TANGO6: variants seen among roughly 807,000 people sequenced by gnomAD.
TANGO6 encodes the protein transport and golgi organization 6 homolog, also known as transport and Golgi organization protein 6 homolog.
A neutral mutation model predicts 114.2 loss-of-function variants in TANGO6; 90 were observed. That is an observed-to-expected ratio of 0.79 (90% CI 0.66 to 0.94). TANGO6 has a LOEUF of 0.94. TANGO6 is among the 40% of genes least tolerant of loss of function. The probability of loss-of-function intolerance (pLI) is 0.00; values close to 1 mark genes in which losing one functional copy is unlikely to be tolerated. For synonymous variants in TANGO6, 477 were observed against 509.8 expected (o/e 0.94, Z 0.87); for missense variants, 1,274 against 1,315.3 (o/e 0.97, Z 0.49).
intron 16 of TANGO6, among the ~76,000 whole-genome samples, chr16:69,030,771 G>GAA (rs1959580871): frequency 2.6e-5 from 4 of 152,052 alleles, no homozygotes; most frequent in Non-Finnish European, 4.4e-5. Context: ...ACAGGTGAGG[G>GAA]CCGGGCGCGG....
At chr16:68,878,726 T>C (rs1331978660) in intron 6 of TANGO6, among the ~76,000 whole-genome samples, 1 of 152,198 alleles carries the variant, frequency 6.6e-6, no homozygotes, top group Non-Finnish European at 1.5e-5. Context: ...CAAACTTCTC[T>C]AATTGTTTCA....
At chr16:69,030,143 C>CA (rs1236155283) in intron 16 of TANGO6, among the ~76,000 whole-genome samples, 1 of 146,994 alleles carries the variant, frequency 6.8e-6, no homozygotes, top group East Asian at 2.0e-4. Flanking sequence ...ATAAGAAGAA[C>CA]AGAGTGATCA....
chr16:68,984,891 T>A (rs1963876160), intron 15 of TANGO6, among the ~76,000 whole-genome samples: 1 of 152,200 alleles, frequency 6.6e-6, no homozygotes, highest in African/African-American at 2.4e-5. Flanking sequence ...AACTACTCTT[T>A]GTTTACATTT....
intron 16 of TANGO6, chr16:69,025,934 G>GT (rs1246964831): frequency 4.6e-6 from 1 of 216,566 alleles, no homozygotes; most frequent in Non-Finnish European, 1.0e-5. Context: ...TCTATTTCTA[G>GT]TTAAAAAAAA....
chr16:69,004,443 C>T (rs1964073721), intron 15 of TANGO6, among the ~76,000 whole-genome samples: 1 of 151,966 alleles, frequency 6.6e-6, no homozygotes, highest in African/African-American at 2.4e-5. Context: ...GCAACCTCCG[C>T]CTCCTGGGTT....
chr16:68,845,258 A>G (rs1961785936), intron 1 of TANGO6, among the ~76,000 whole-genome samples: 3 of 152,200 alleles, frequency 2.0e-5, no homozygotes, highest in Admixed American at 2.0e-4. Context: ...CTGAGCCACT[A>G]CACCTGGCCT....
intron 14 of TANGO6, among the ~76,000 whole-genome samples, chr16:68,943,703 C>A (rs1963382658): frequency 6.6e-6 from 1 of 151,970 alleles, no homozygotes; most frequent in African/African-American, 2.4e-5. Context: ...AAAGTATTGT[C>A]TTGGTCTCAA....
At position 68,857,616 on chromosome 16, in the gene TANGO6, A is replaced by G. The variant is rs530616931; in HGVS notation, c.95-2268A>G. Among the ~76,000 whole-genome samples, 7 of 152,250 alleles carry G rather than the reference A, an allele frequency of 4.6e-5. No individual in the cohort carries two copies. In the South Asian group the frequency reaches 1.5e-3, roughly 32 times the overall value. On this transcript the variant is annotated intron_variant, in intron 1 of 17. Coordinates refer to ENST00000261778, the MANE Select transcript of TANGO6 (RefSeq NM_024562.2). ...CCAAACTGTCTTCCAAAGTGGCTAT[A>G]CTATTTTGCATTCCCACCAGCAATG...
At chr16:68,943,503 A>G (rs907038233) in intron 14 of TANGO6, among the ~76,000 whole-genome samples, 1 of 151,766 alleles carries the variant, frequency 6.6e-6, no homozygotes, top group African/African-American at 2.4e-5. Flanking sequence ...AGCTGGGACT[A>G]CAGGTGCCTG....
intron 16 of TANGO6, among the ~76,000 whole-genome samples, chr16:69,025,619 T>G (rs1959488237): frequency 6.6e-6 from 1 of 152,222 alleles, no homozygotes; most frequent in Non-Finnish European, 1.5e-5. Context: ...CAATCCAGTC[T>G]GAGAATTTAA....
At chr16:69,038,888 CA>C (rs1367580648) in intron 16 of TANGO6, among the ~76,000 whole-genome samples, 1 of 151,906 alleles carries the variant, frequency 6.6e-6, no homozygotes, top group Non-Finnish European at 1.5e-5. Context: ...ACTAAAAATA[CA>C]AAAATTTAGG....
intron 4 of TANGO6, among the ~76,000 whole-genome samples, chr16:68,872,143 C>G (rs1962280433): frequency 6.6e-6 from 1 of 150,574 alleles, no homozygotes; most frequent in African/African-American, 2.4e-5. Context: ...ATCGCTTGAA[C>G]CTGGGAGGTG....
rs964533177 is a variant in TANGO6 at position 68,930,194 on chromosome 16, T to G, written c.2644-44T>G. On this transcript the variant is annotated intron_variant, in intron 13 of 17. Transcript: ENST00000261778. The stretch of plus-strand genomic sequence containing the variant: ...GATAAGGGAGCCTCTTAAATCTTCC[T>G]TGTTCTTTGTAAATCTTATCACTGC... 1.5e-5 allele frequency: 23 copies of G among 1,521,666 alleles called. No individual in the cohort carries two copies. The Admixed American group carries it at 2.2e-4, about 14-fold the overall frequency. The allele number at this position is 1,521,666 out of a possible 1,614,324, so 94.3% of individuals were successfully genotyped here. A position where few individuals can be genotyped will look rare whatever the true frequency, so the allele number is the denominator to read the frequency against.
chr16:68,987,449 G>C (rs1178305840), intron 15 of TANGO6, among the ~76,000 whole-genome samples: 1 of 152,120 alleles, frequency 6.6e-6, no homozygotes, highest in African/African-American at 2.4e-5. Flanking sequence ...GCTCACTGCA[G>C]CCTCTGCCTC....
chr16:68,954,604 C>T (rs1251539872), intron 14 of TANGO6, among the ~76,000 whole-genome samples: 1 of 152,226 alleles, frequency 6.6e-6, no homozygotes, highest in Non-Finnish European at 1.5e-5. Flanking sequence ...ATGCCACATA[C>T]ACACCCTTCC....
At chr16:68,974,249 C>A in intron 15 of TANGO6, 81 bp downstream of exon 15, 1 of 1,530,228 alleles carries the variant, frequency 6.5e-7, no homozygotes, top group Non-Finnish European at 9.0e-7. Context: ...TACCTGGGGG[C>A]TTGTTACACT....
chr16:68,994,335 T>A (rs1280721689), intron 15 of TANGO6, among the ~76,000 whole-genome samples: 2 of 152,194 alleles, frequency 1.3e-5, no homozygotes, highest in Non-Finnish European at 2.9e-5. Context: ...AAGTAGGGCC[T>A]CTGTGCCTTT....
At chr16:68,980,409 C>CTCTCTCTCTCTCTCTCTATA (rs1408626276) in intron 15 of TANGO6, among the ~76,000 whole-genome samples, 12 of 67,980 alleles carry the variant, frequency 1.8e-4, no homozygotes, top group Non-Finnish European at 2.1e-4. Flanking sequence ...CTCTCTCTCT[C>CTCTCTCTCTCTCTCTCTATA]TATATATATA....
At chr16:68,971,450 A>T (rs574569028) in intron 14 of TANGO6, among the ~76,000 whole-genome samples, 96 of 151,724 alleles carry the variant, frequency 6.3e-4, no homozygotes, top group Non-Finnish European at 1.2e-3. Flanking sequence ...TTTTAAAATT[A>T]TTTTTATAGA....
Sources: gnomAD v4.1 joint callset for allele counts (sites outside exome capture counted in the v4.1 genomes callset) on GRCh38, gnomAD v4.1.1 for gene constraint, MANE v1.5 for transcripts, NCBI Gene and HGNC (gene_info 2026-07-23, HGNC 2026-07-21) for gene names.